Variants in LIPH observed in about 807,000 individuals in gnomAD.
LIPH encodes the protein lipase H.
In LIPH, 32 loss-of-function variants were observed where a neutral mutation model predicts 47.6. That is an observed-to-expected ratio of 0.67 (90% confidence interval 0.51 to 0.90). LIPH has a LOEUF of 0.90. LIPH is among the 40% of genes least tolerant of loss of function. The pLI is 0.00. For missense variants in LIPH, 497 were observed against 541.4 expected (o/e 0.92, Z 0.81); for synonymous variants, 190 against 195.6 (o/e 0.97, Z 0.24).
At chr3:185,511,186 C>A (rs181625764) in intron 9 of LIPH, among the ~76,000 whole-genome samples, 239 of 151,772 alleles carry the variant, frequency 1.6e-3, no homozygotes, top group African/African-American at 5.7e-3. Flanking sequence ...CATGTACCAT[C>A]AAATGCAGGT....
At chr3:185,512,986 G>T (rs1719618154) in intron 8 of LIPH, among the ~76,000 whole-genome samples, 1 of 152,104 alleles carries the variant, frequency 6.6e-6, no homozygotes, top group South Asian at 2.1e-4. Context: ...TTCCATGGCT[G>T]GGGCAGGAAA....
chr3:185,523,601 T>G (rs1719972935), intron 5 of LIPH, among the ~76,000 whole-genome samples: 1 of 152,084 alleles, frequency 6.6e-6, no homozygotes, highest in South Asian at 2.1e-4. Flanking sequence ...AGATGGCATC[T>G]CCCCTCTGTT....
At chr3:185,532,224 AC>A (rs1237008037) in intron 3 of LIPH, among the ~76,000 whole-genome samples, 1 of 151,974 alleles carries the variant, frequency 6.6e-6, no homozygotes, top group Non-Finnish European at 1.5e-5. Context: ...CAGAAATACA[AC>A]ATGAGGCCGG....
At chr3:185,519,720 C>T (rs193058230) in intron 5 of LIPH, among the ~76,000 whole-genome samples, 2 of 151,416 alleles carry the variant, frequency 1.3e-5, no homozygotes, top group Admixed American at 1.3e-4. Context: ...CCTGTAGTCC[C>T]AACTACTCAG....
At chr3:185,534,530 G>A (rs945365799) in intron 2 of LIPH, among the ~76,000 whole-genome samples, 1 of 152,128 alleles carries the variant, frequency 6.6e-6, no homozygotes, top group Non-Finnish European at 1.5e-5. Flanking sequence ...AATCTATAAT[G>A]TCACAATGAC....
In LIPH at chr3:185,534,843, T is replaced by C. The variant is rs201972319; in HGVS notation, c.339A>G (p.Thr113=). 6.2e-6 allele frequency: 10 copies of C among 1,614,126 alleles called. No individual in the cohort carries two copies. The highest frequency in any genetic ancestry group is 2.5e-6 in the Non-Finnish European group (3 of 1,179,950). The change falls in exon 2 of 10, where the codon ACA becomes ACG. Residue 113 remains threonine, a synonymous_variant. Coordinates refer to ENST00000296252, the MANE Select transcript of LIPH (RefSeq NM_139248.3). ...TAGAGGCATGGGTATATATTAAAGT[T>C]GTAGCTCCTCGATTCCAATCAACAA... is the stretch of plus-strand genomic sequence containing the variant. ...VVVVDWNRGA[T]TLIYTHASSK... is the part of the protein sequence containing the mutation.
intron 3 of LIPH, among the ~76,000 whole-genome samples, chr3:185,530,529 G>T (rs894750558): frequency 6.6e-6 from 1 of 151,760 alleles, no homozygotes; most frequent in Non-Finnish European, 1.5e-5. Flanking sequence ...AATTAGCTGG[G>T]TGCGGTAGCA....
chr3:185,528,322 A>AGAAGAAAG (rs1720182081), intron 3 of LIPH, among the ~76,000 whole-genome samples: 1 of 75,626 alleles, frequency 1.3e-5, no homozygotes, highest in Non-Finnish European at 2.6e-5. Flanking sequence ...AAAGAAAGAA[A>AGAAGAAAG]GAAGAAAGAA....
At chr3:185,543,907 A>G (rs1720790640) in intron 1 of LIPH, among the ~76,000 whole-genome samples, 1 of 143,120 alleles carries the variant, frequency 7.0e-6, no homozygotes, top group Non-Finnish European at 1.5e-5. Flanking sequence ...CTGGAGTGCA[A>G]TGGCATGGTC....
chr3:185,529,990 GA>G (rs1480275232), intron 3 of LIPH, among the ~76,000 whole-genome samples: 2 of 148,916 alleles, frequency 1.3e-5, no homozygotes, highest in South Asian at 2.1e-4. Flanking sequence ...GAGAGAGAGA[GA>G]AAATAAGCAG....
chr3:185,512,487 CTTTTTT>C (rs549114120), intron 8 of LIPH, among the ~76,000 whole-genome samples: 2 of 130,960 alleles, frequency 1.5e-5, no homozygotes, highest in Non-Finnish European at 1.6e-5. Flanking sequence ...GACATTAATC[CTTTTTT>C]TTTTTTTTTT....
At chr3:185,547,041 G>A (rs1283269021) in intron 1 of LIPH, 5 of 378,276 alleles carry the variant, frequency 1.3e-5, no homozygotes, top group Non-Finnish European at 2.0e-5. Context: ...TAGTCAATAA[G>A]CAAAGGTGGG....
At chr3:185,538,613 T>C (rs916510701) in intron 1 of LIPH, among the ~76,000 whole-genome samples, 3 of 11,854 alleles carry the variant, frequency 2.5e-4, no homozygotes, top group African/African-American at 5.0e-4. Context: ...TTTTTGTAGA[T>C]TTTTTCTTTT....
chr3:185,526,135 T>G (rs1424373381), intron 4 of LIPH, among the ~76,000 whole-genome samples: 1 of 151,992 alleles, frequency 6.6e-6, no homozygotes, highest in South Asian at 2.1e-4. Context: ...TCCCAGCACT[T>G]TGGGAGGCTG....
intron 6 of LIPH, among the ~76,000 whole-genome samples, chr3:185,518,370 C>T (rs1719797832): frequency 6.6e-6 from 1 of 152,118 alleles, no homozygotes; most frequent in Non-Finnish European, 1.5e-5. Flanking sequence ...TCCTCCGTCT[C>T]CCAGGTTCAA....
intron 6 of LIPH, among the ~76,000 whole-genome samples, chr3:185,518,699 A>T (rs1414709841): frequency 6.6e-6 from 1 of 151,814 alleles, no homozygotes; most frequent in Non-Finnish European, 1.5e-5. Flanking sequence ...CTTTTTAAGA[A>T]ATTTTTTTTT....
chr3:185,509,583 A>T (rs1309970655), intron 9 of LIPH, among the ~76,000 whole-genome samples: 1 of 152,080 alleles, frequency 6.6e-6, no homozygotes, highest in Non-Finnish European at 1.5e-5. Flanking sequence ...TGAGCCAAGA[A>T]CGCGCTACTA....
chr3:185,529,976 A>AAGAAAGAAAGAAAGAAAG (rs796155621), intron 3 of LIPH, among the ~76,000 whole-genome samples: 11 of 104,986 alleles, frequency 1.0e-4, no homozygotes, highest in South Asian at 5.8e-4. Context: ...GAAAGAAAGA[A>AAGAAAGAAAGAAAGAAAG]AGAGAGAGAG....
intron 3 of LIPH, among the ~76,000 whole-genome samples, chr3:185,530,549 A>T (rs1458580741): frequency 6.6e-6 from 1 of 152,118 alleles, no homozygotes; most frequent in African/African-American, 2.4e-5. Context: ...AGGAGCCTGT[A>T]ATCCCAGCTA....
Sources: allele counts gnomAD v4.1 joint callset (sites outside exome capture counted in the v4.1 genomes callset), GRCh38; gene constraint gnomAD v4.1.1; transcripts MANE v1.5; gene names NCBI Gene and HGNC (gene_info 2026-07-23, HGNC 2026-07-21).